Variants in VNN1 observed in about 807,000 individuals in gnomAD.
VNN1 encodes pantetheinase.
In VNN1, 29 loss-of-function variants were observed where a neutral mutation model predicts 41.9. That is an observed-to-expected ratio of 0.69 (90% CI 0.52 to 0.94). VNN1 has a LOEUF of 0.94. Among genes scored for constraint, VNN1 ranks in the 40% least tolerant of loss-of-function variants. The pLI is 0.00. For synonymous variants in VNN1, 233 were observed against 224.4 expected, an observed-to-expected ratio of 1.04 and a Z score of -0.34; for missense variants, 637 against 621.1, an observed-to-expected ratio of 1.03 and a Z score of -0.27.
Position 132,692,593 on chromosome 6 carries a change from A to C in VNN1, c.827-9T>G. The C allele has an allele frequency of 6.5e-7, 1 of 1,549,346 alleles. No individual in the cohort carries two copies. The highest frequency in any genetic ancestry group is 8.6e-7 in the Non-Finnish European group (1 of 1,158,202). The stretch of plus-strand genomic sequence containing the variant: ...TGCATAGATGCCACTTCCTGGAAGT[A>C]ATAAGTTGAAAACATCATTTGAAAT... On this transcript the variant is annotated splice_polypyrimidine_tract_variant and intron_variant, in intron 4 of 6. Transcript: ENST00000367928.
intron 2 of VNN1, among the ~76,000 whole-genome samples, chr6:132,706,708 A>C (rs775818680): frequency 2.0e-5 from 3 of 152,042 alleles, no homozygotes; most frequent in Non-Finnish European, 2.9e-5. Context: ...CTATCAAGAA[A>C]GTGAAGAGAC....
intron 2 of VNN1, chr6:132,699,257 C>T (rs2114357643): frequency 1.2e-5 from 3 of 256,090 alleles, no homozygotes; most frequent in South Asian, 9.9e-5. Context: ...TCTACAACTC[C>T]ACTATTCACT....
intron 2 of VNN1, among the ~76,000 whole-genome samples, chr6:132,707,282 A>G (rs1409314166): frequency 6.6e-6 from 1 of 152,002 alleles, no homozygotes; most frequent in Non-Finnish European, 1.5e-5. Context: ...ACCTGTTAAA[A>G]TGACTTATAA....
At chr6:132,685,699 C>G (rs952354579) in intron 5 of VNN1, among the ~76,000 whole-genome samples, 3 of 152,136 alleles carry the variant, frequency 2.0e-5, no homozygotes, top group South Asian at 2.1e-4. Context: ...TGGGACTGCT[C>G]TATACCTAGA....
chr6:132,712,878 T>C (rs1308484493), intron 1 of VNN1, among the ~76,000 whole-genome samples: 6 of 152,202 alleles, frequency 3.9e-5, no homozygotes, highest in Admixed American at 2.6e-4. Context: ...CTCATGCCTG[T>C]AATCCCAGCA....
chr6:132,684,991 G>T (rs1013865113), intron 5 of VNN1, among the ~76,000 whole-genome samples: 6 of 152,178 alleles, frequency 3.9e-5, no homozygotes, highest in Admixed American at 1.3e-4. Flanking sequence ...AGTTACTAAT[G>T]ATTTTAATTA....
intron 2 of VNN1, among the ~76,000 whole-genome samples, chr6:132,711,342 T>C (rs1279596364): frequency 2.6e-5 from 4 of 152,188 alleles, no homozygotes; most frequent in Non-Finnish European, 4.4e-5. Context: ...CCTCATCAGC[T>C]ATCTTAGCAA....
chr6:132,683,424 G>A (rs1315476760), intron 6 of VNN1, 102 bp from the exon 7 acceptor site: 1 of 1,234,038 alleles, frequency 8.1e-7, no homozygotes, highest in Non-Finnish European at 1.1e-6. Context: ...CAAAAATACT[G>A]GCCAAATTCC....
intron 5 of VNN1, among the ~76,000 whole-genome samples, chr6:132,689,697 GTCTCCTTTGTCGTA>G (rs1778255969): frequency 6.6e-6 from 1 of 152,138 alleles, no homozygotes; most frequent in Non-Finnish European, 1.5e-5. Flanking sequence ...TGTCAGTACA[GTCTCCTTTGTCGTA>G]TCATTCACTG....
At chr6:132,712,306 C>G (rs368879018) in intron 1 of VNN1, among the ~76,000 whole-genome samples, 1 of 151,994 alleles carries the variant, frequency 6.6e-6, no homozygotes, top group Non-Finnish European at 1.5e-5. Context: ...TCTGCCACCA[C>G]GCCTGGCTAA....
In VNN1 at chr6:132,682,990, TA is replaced by T; in HGVS notation, c.*149del. ...ACATTAACAGATAATTTATTAAGTT[TA>T]TATTATCTGGTGTGTGTGTGTTTGT... is the stretch of plus-strand genomic sequence containing the variant. On this transcript the variant is annotated 3_prime_UTR_variant, in exon 7 of 7. Coordinates refer to ENST00000367928, the MANE Select transcript of VNN1 (RefSeq NM_004666.3). 1.8e-6 allele frequency: 1 copy of T among 548,096 alleles called. No homozygotes were observed. Among genetic ancestry groups the T allele is most frequent in the Non-Finnish European group, 2.9e-6 (1 of 346,560 alleles). The allele number at this position is 548,096 out of a possible 1,614,324, so 34.0% of individuals were successfully genotyped here. A position where few individuals can be genotyped will look rare whatever the true frequency, so the allele number is the denominator to read the frequency against.
rs373691362 is a variant in VNN1 at position 132,684,104 on chromosome 6, AT to A, written c.1359+230del. 2.8e-3 allele frequency among the ~76,000 whole-genome samples: 429 copies of A among 152,098 alleles called. 2 individuals carry two copies. Among genetic ancestry groups the A allele is most frequent in the African/African-American group, 9.7e-3 (404 of 41,500 alleles). On this transcript the variant is annotated intron_variant, in intron 6 of 6. Transcript: ENST00000367928. The stretch of plus-strand genomic sequence containing the variant: ...CTTGGAAGACTTTAAACTCCCTATA[AT>A]CCCCAAAATAAGATATATATTTTTT...
In VNN1 at chr6:132,687,295, T is replaced by C. The variant is rs1223691148; in HGVS notation, c.1189-2790A>G. On this transcript the variant is annotated intron_variant, in intron 5 of 6. Transcript: ENST00000367928. ...TTCCATGCCCAGGGAAATACTTAACTAAATTTAAGAGGAAAGGCAGTTTCA... is the reference window on the plus strand; with the variant it reads ...TTCCATGCCCAGGGAAATACTTAACCAAATTTAAGAGGAAAGGCAGTTTCA... 2.6e-5 allele frequency among the ~76,000 whole-genome samples: 4 copies of C among 152,164 alleles called. No homozygotes were observed. In the East Asian group the frequency reaches 7.7e-4, roughly 29 times the overall value.
At chr6:132,705,502 G>T (rs1282330911) in intron 2 of VNN1, among the ~76,000 whole-genome samples, 3 of 152,066 alleles carry the variant, frequency 2.0e-5, no homozygotes, top group Non-Finnish European at 2.9e-5. Context: ...TCAATGACTG[G>T]ATATAGAAGG....
chr6:132,695,033 T>A (rs976091962), intron 2 of VNN1, among the ~76,000 whole-genome samples: 7 of 152,126 alleles, frequency 4.6e-5, no homozygotes, highest in Admixed American at 4.6e-4. Context: ...GCGCCTATAA[T>A]CCCAGCTACT....
At chr6:132,702,773 A>G (rs1025793609) in intron 2 of VNN1, among the ~76,000 whole-genome samples, 1 of 152,236 alleles carries the variant, frequency 6.6e-6, no homozygotes, top group Admixed American at 6.5e-5. Flanking sequence ...CTAGGCTATA[A>G]GGGAACTTCT....
chr6:132,697,589 G>A (rs752218769), intron 2 of VNN1, among the ~76,000 whole-genome samples: 11 of 151,256 alleles, frequency 7.3e-5, no homozygotes, highest in Non-Finnish European at 1.3e-4. Context: ...ATGATAAATG[G>A]TTATTGAAGA....
intron 2 of VNN1, among the ~76,000 whole-genome samples, chr6:132,698,081 A>T (rs537789221): frequency 2.6e-5 from 4 of 152,308 alleles, no homozygotes; most frequent in African/African-American, 9.6e-5. Context: ...AATGCTCCAA[A>T]ATTAGACCAC....
Position 132,692,220 on chromosome 6 carries a change from T to C in VNN1, c.1188+3A>G, listed in dbSNP as rs1332549057. 1 of 1,545,584 alleles carries C rather than the reference T, an allele frequency of 6.5e-7. No individual in the cohort carries two copies. The highest frequency in any genetic ancestry group is 1.3e-5 in the South Asian group (1 of 79,482). On this transcript the variant is annotated splice_donor_region_variant and intron_variant, in intron 5 of 6. Coordinates refer to ENST00000367928, the MANE Select transcript of VNN1 (RefSeq NM_004666.3). ...AGTAACTCTTCTGACATCAAAATATTACCTGTAGATAATAGCGCCCTTCCA... is the reference window on the plus strand; with the variant it reads ...AGTAACTCTTCTGACATCAAAATATCACCTGTAGATAATAGCGCCCTTCCA...
Sources: allele counts gnomAD v4.1 joint callset (sites outside exome capture counted in the v4.1 genomes callset), GRCh38; gene constraint gnomAD v4.1.1; transcripts MANE v1.5; gene names NCBI Gene and HGNC (gene_info 2026-07-23, HGNC 2026-07-21).